Variants in FBXO8 observed in about 807,000 individuals in gnomAD.
FBXO8 encodes the protein F-box protein 8.
Under a neutral mutation model 33.4 loss-of-function variants are expected in FBXO8, and 15 were observed. The observed-to-expected ratio is 0.45, with a 90% CI of 0.30 to 0.69. The LOEUF (loss-of-function observed/expected upper bound fraction) is 0.69. FBXO8 is among the 30% of genes least tolerant of loss of function. The pLI, the probability that FBXO8 is intolerant of heterozygous loss-of-function variation, is 0.08. For synonymous variants in FBXO8, 132 were observed against 131.5 expected (o/e 1.00, Z -0.02); for missense variants, 274 against 380.3 (o/e 0.72, Z 2.32).
chr4:174,254,234 A>C lies in FBXO8; in HGVS notation c.456+5465T>G, dbSNP rs1736367042. On this transcript the variant is annotated intron_variant, in intron 3 of 5. Coordinates refer to ENST00000393674, the MANE Select transcript of FBXO8 (RefSeq NM_012180.3). The surrounding 1 kb of genome is among the most constrained non-coding windows in gnomAD (Gnocchi z 4.2). Reference sequence around the variant, plus strand: ...AGCCAAGAATTAGAATTTCGAGTTTATCTTTCTCTTTCTTTATGCTATCTG... The same window carrying C: ...AGCCAAGAATTAGAATTTCGAGTTTCTCTTTCTCTTTCTTTATGCTATCTG... Among the ~76,000 whole-genome samples the C allele has an allele frequency of 2.6e-5, 4 of 152,198 alleles. No individual in the cohort carries two copies. The South Asian group carries it at 8.3e-4, about 31-fold the overall frequency.
In FBXO8 at chr4:174,261,124, TA is replaced by T. The variant is rs1736549360; in HGVS notation, c.330-1300del. ...AATCACTGACTCAAAACTGTAAGTA[TA>T]AAAAATTGTTTAGAATATTATCAAT... On this transcript the variant is annotated intron_variant, in intron 2 of 5. Coordinates refer to ENST00000393674, the MANE Select transcript of FBXO8 (RefSeq NM_012180.3). The surrounding 1 kb of genome is among the most constrained non-coding windows in gnomAD (Gnocchi z 4.1). Among the ~76,000 whole-genome samples the T allele has an allele frequency of 1.3e-5, 2 of 151,932 alleles. No homozygotes were observed. The highest frequency in any genetic ancestry group is 4.8e-5 in the African/African-American group (2 of 41,436).
At position 174,253,726 on chromosome 4, in the gene FBXO8, G is replaced by C. The variant is rs186456095; in HGVS notation, c.456+5973C>G. 7.9e-5 allele frequency among the ~76,000 whole-genome samples: 12 copies of C among 152,254 alleles called. No homozygotes were observed. The highest frequency in any genetic ancestry group is 2.9e-4 in the African/African-American group (12 of 41,552). ...TCTATTCTATTCGCTAGTGCTCTAG[G>C]GGTGCTCGTGTGATTCAATTATGTT... On this transcript the variant is annotated intron_variant, in intron 3 of 5. Transcript: ENST00000393674. This position sits in a 1 kb window ranked among gnomAD's most constrained non-coding sequence, Gnocchi z 4.5.
intron 5 of FBXO8, among the ~76,000 whole-genome samples, chr4:174,238,106 A>G (rs1351659739): frequency 6.6e-6 from 1 of 152,044 alleles, no homozygotes. Flanking sequence ...GTACTAGAAA[A>G]TAAAATGTAA....
At position 174,262,899 on chromosome 4, in the gene FBXO8, T is replaced by A. The variant is rs1451513734; in HGVS notation, c.194A>T (p.Gln65Leu). Residue 65 changes from glutamine to leucine, a missense_variant, in exon 2 of 6, where the codon CAG becomes CTG. By Grantham distance (113) the Gln-to-Leu change is moderately radical. This residue lies in a region of FBXO8 where 88 missense variants were observed against 86.9 expected (regional missense o/e 1.01). Coordinates refer to ENST00000393674, the MANE Select transcript of FBXO8 (RefSeq NM_012180.3). This position sits in a 1 kb window ranked among gnomAD's most constrained non-coding sequence, Gnocchi z 4.6. ...CATTTCCAAATTAATGAATCCTTCCTGTTCTTTCGATTTCCTTGCCTTCAA... is the reference window on the plus strand; with the variant it reads ...CATTTCCAAATTAATGAATCCTTCCAGTTCTTTCGATTTCCTTGCCTTCAA... ...HLLKARKSKE[Q>L]EGFINLEMLP... is the part of the protein sequence containing the mutation. 6.2e-7 allele frequency: 1 copy of A among 1,614,110 alleles called. No individual in the cohort carries two copies. The highest frequency in any genetic ancestry group is 1.1e-5 in the South Asian group (1 of 91,082).
intron 1 of FBXO8, among the ~76,000 whole-genome samples, chr4:174,282,610 T>C (rs2126457135): frequency 6.6e-6 from 1 of 151,990 alleles, no homozygotes; most frequent in East Asian, 1.9e-4. Flanking sequence ...AGAAATACAT[T>C]ACTTCAAACA....
chr4:174,239,015 G>T lies in FBXO8; in HGVS notation c.751C>A (p.Arg251=). 1 of 1,557,496 alleles carries T rather than the reference G, an allele frequency of 6.4e-7. No individual in the cohort carries two copies. Among genetic ancestry groups the T allele is most frequent in the South Asian group, 1.2e-5 (1 of 81,676 alleles). ...TTACCAGGACTAAGGCCAAGTTCTCGCATTAAATCAGGGTTGCAAGCACAG... is the reference window on the plus strand; with the variant it reads ...TTACCAGGACTAAGGCCAAGTTCTCTCATTAAATCAGGGTTGCAAGCACAG... ...RFCACNPDLM[R]ELGLSPDAVY... The change falls in exon 5 of 6, where the codon CGA becomes AGA. Residue 251 remains arginine, a synonymous_variant. Transcript: ENST00000393674.
chr4:174,246,808 A>T (rs1736170081), intron 3 of FBXO8, among the ~76,000 whole-genome samples: 1 of 152,028 alleles, frequency 6.6e-6, no homozygotes, highest in Non-Finnish European at 1.5e-5. Context: ...AGCTACAGTA[A>T]GAAAGTGAAA....
Position 174,262,644 on chromosome 4 carries a change from C to A in FBXO8, c.329+120G>T. Reference sequence around the variant, plus strand: ...TATTTTTCCAGGTTTTAATAAAGAGCATCTCAAAGTACAAGCCCAAGTTTA... The same window carrying A: ...TATTTTTCCAGGTTTTAATAAAGAGAATCTCAAAGTACAAGCCCAAGTTTA... On this transcript the variant is annotated intron_variant, in intron 2 of 5. Coordinates refer to ENST00000393674, the MANE Select transcript of FBXO8 (RefSeq NM_012180.3). This position sits in a 1 kb window ranked among gnomAD's most constrained non-coding sequence, Gnocchi z 4.6. The A allele has an allele frequency of 1.3e-6, 1 of 777,292 alleles. No homozygotes were observed. Among genetic ancestry groups the A allele is most frequent in the East Asian group, 2.7e-5 (1 of 36,970 alleles). 48.1% of individuals were successfully genotyped at this position (777,292 alleles called of 1,614,324 possible).
At chr4:174,243,090 C>G (rs955032668) in intron 3 of FBXO8, among the ~76,000 whole-genome samples, 2 of 151,496 alleles carry the variant, frequency 1.3e-5, no homozygotes, top group African/African-American at 4.8e-5. Context: ...ACTTTAATAT[C>G]ATTTGGTGAT....
rs1736619606 is a variant in FBXO8, at chr4:174,263,553, T to G, written c.-8-453A>C. Among the ~76,000 whole-genome samples the G allele has an allele frequency of 6.6e-6, 1 of 152,110 alleles. No individual in the cohort carries two copies. The highest frequency in any genetic ancestry group is 2.4e-5 in the African/African-American group (1 of 41,424). On this transcript the variant is annotated intron_variant, in intron 1 of 5. Coordinates refer to ENST00000393674, the MANE Select transcript of FBXO8 (RefSeq NM_012180.3). This position sits in a 1 kb window ranked among gnomAD's most constrained non-coding sequence, Gnocchi z 4.2. The stretch of plus-strand genomic sequence containing the variant: ...CTAAGCTAGCTCCTTTTAACCAAAC[T>G]CCCAGATGCGTAACAGCTGGGAAAC...
intron 4 of FBXO8, among the ~76,000 whole-genome samples, chr4:174,239,420 G>C (rs1735975451): frequency 6.6e-6 from 1 of 151,640 alleles, no homozygotes; most frequent in South Asian, 2.1e-4. Flanking sequence ...ATGAAACAAG[G>C]TAAAACCTAG....
At chr4:174,264,615 G>A (rs755921451) in intron 1 of FBXO8, among the ~76,000 whole-genome samples, 3 of 151,978 alleles carry the variant, frequency 2.0e-5, no homozygotes, top group Non-Finnish European at 1.5e-5. Flanking sequence ...AATCCCAGCA[G>A]CTTAAGCTAT....
chr4:174,261,264 A>G lies in FBXO8; in HGVS notation c.330-1439T>C, dbSNP rs1308703599. On this transcript the variant is annotated intron_variant, in intron 2 of 5. Transcript: ENST00000393674. The surrounding 1 kb of genome is among the most constrained non-coding windows in gnomAD (Gnocchi z 4.1). ...CATCAATGAGTATTCAATACATCCA[A>G]AGTTGAAATTAAAACTAAGCCAGCC... 6.6e-6 allele frequency among the ~76,000 whole-genome samples: 1 copy of G among 151,978 alleles called. No homozygotes were observed. Among genetic ancestry groups the G allele is most frequent in the Non-Finnish European group, 1.5e-5 (1 of 67,868 alleles).
At chr4:174,272,000 C>A (rs918911710) in intron 1 of FBXO8, among the ~76,000 whole-genome samples, 1 of 152,118 alleles carries the variant, frequency 6.6e-6, no homozygotes, top group African/African-American at 2.4e-5. Context: ...TTACTTGGGA[C>A]CCCCTTAGGG....
Position 174,247,716 on chromosome 4 carries a change from A to C in FBXO8, c.457-6498T>G, listed in dbSNP as rs1181665904. On this transcript the variant is annotated intron_variant, in intron 3 of 5. Transcript: ENST00000393674. The surrounding 1 kb of genome is among the most constrained non-coding windows in gnomAD (Gnocchi z 4.6). ...TTTTCAAACTGAAGATAATGTAAAAATTAAGTGACACAATATACGTTATTA... is the reference window on the plus strand; with the variant it reads ...TTTTCAAACTGAAGATAATGTAAAACTTAAGTGACACAATATACGTTATTA... Among the ~76,000 whole-genome samples, 1 of 152,084 alleles carries C rather than the reference A, an allele frequency of 6.6e-6. No individual in the cohort carries two copies. Among genetic ancestry groups the C allele is most frequent in the East Asian group, 1.9e-4 (1 of 5,182 alleles).
chr4:174,243,171 T>C (rs1428624627), intron 3 of FBXO8, among the ~76,000 whole-genome samples: 1 of 151,544 alleles, frequency 6.6e-6, no homozygotes, highest in Non-Finnish European at 1.5e-5. Context: ...ATATTCTGTT[T>C]TATAAAAAAC....
rs762145905 is a variant in FBXO8 at position 174,260,205 on chromosome 4, T to A, written c.330-380A>T. ...CTGCCTAATCTTCACAACAATCCTA[T>A]GACGTTGGTGATACAGATAAGAAAC... is the stretch of plus-strand genomic sequence containing the variant. On this transcript the variant is annotated intron_variant, in intron 2 of 5. Transcript: ENST00000393674. 5.8e-4 allele frequency among the ~76,000 whole-genome samples: 89 copies of A among 152,160 alleles called. 1 individual carries two copies. The highest frequency in any genetic ancestry group is 1.1e-3 in the Non-Finnish European group (73 of 67,904).
At position 174,256,169 on chromosome 4, in the gene FBXO8, A is replaced by T. The variant is rs1736411070; in HGVS notation, c.456+3530T>A. Reference sequence around the variant, plus strand: ...GGCTGTAAGTATTCTTATTTTTATAATATTTTAATGATGTTTGCTATCAAA... The same window carrying T: ...GGCTGTAAGTATTCTTATTTTTATATTATTTTAATGATGTTTGCTATCAAA... On this transcript the variant is annotated intron_variant, in intron 3 of 5. Coordinates refer to ENST00000393674, the MANE Select transcript of FBXO8 (RefSeq NM_012180.3). The surrounding 1 kb of genome is among the most constrained non-coding windows in gnomAD (Gnocchi z 4.6). The T allele has an allele frequency of 2.2e-6, 1 of 454,506 alleles. No homozygotes were observed. Among genetic ancestry groups the T allele is most frequent in the Non-Finnish European group, 4.4e-6 (1 of 226,512 alleles). 28.2% of individuals were successfully genotyped at this position (454,506 alleles called of 1,614,324 possible).
At position 174,238,913 on chromosome 4, in the gene FBXO8, G is replaced by T. The variant is rs1436083688; in HGVS notation, c.772+81C>A. On this transcript the variant is annotated intron_variant, in intron 5 of 5. Coordinates refer to ENST00000393674, the MANE Select transcript of FBXO8 (RefSeq NM_012180.3). The stretch of plus-strand genomic sequence containing the variant: ...ATTACTGAGAATATTTTTCCCCACA[G>T]TGAGACAAATGTCTCATATATCTCT... The T allele has an allele frequency of 1.7e-5, 15 of 872,044 alleles. No individual in the cohort carries two copies. Among genetic ancestry groups the T allele is most frequent in the South Asian group, 3.3e-5 (1 of 30,638 alleles). 54.0% of individuals were successfully genotyped at this position (872,044 alleles called of 1,614,324 possible).
Sources: gnomAD v4.1 joint callset for allele counts (sites outside exome capture counted in the v4.1 genomes callset) on GRCh38, gnomAD v4.1.1 for gene constraint, gnomAD v4.1.1 regional missense constraint, Gnocchi (gnomAD v3.1) non-coding constraint, MANE v1.5 for transcripts, NCBI Gene and HGNC (gene_info 2026-07-23, HGNC 2026-07-21) for gene names.